Variants in COL12A1 observed in about 807,000 individuals in gnomAD.
The protein encoded by COL12A1 is collagen type XII alpha 1 chain, also known as collagen alpha-1(XII) chain.
In COL12A1, 114 loss-of-function variants were observed where a neutral mutation model predicts 349.7. The observed-to-expected ratio is 0.33, with a 90% CI of 0.28 to 0.38. The LOEUF (loss-of-function observed/expected upper bound fraction) is 0.38, where lower values mean the gene tolerates loss of function less well. Among genes scored for constraint, COL12A1 ranks in the 10% least tolerant of loss-of-function variants. The pLI is 1.00. For missense variants in COL12A1, 3,284 were observed against 3,756.9 expected (o/e 0.87, Z 3.29); for synonymous variants, 1,369 against 1,329.0 (o/e 1.03, Z -0.66).
chr6:75,085,545 T>G lies in COL12A1; in HGVS notation c.*1002A>C. 1 of 296,748 alleles carries G rather than the reference T, an allele frequency of 3.4e-6. No individual in the cohort carries two copies. The highest frequency in any genetic ancestry group is 6.9e-6 in the Non-Finnish European group (1 of 144,994). 18.4% of individuals were successfully genotyped at this position (296,748 alleles called of 1,614,324 possible). ...ATTTGGTGATAATCAAATAATGAAA[T>G]GGCACTTTCTTAAAAAAAAAAACCT... is the stretch of plus-strand genomic sequence containing the variant. On this transcript the variant is annotated 3_prime_UTR_variant, in exon 66 of 66. Coordinates refer to ENST00000322507, the MANE Select transcript of COL12A1 (RefSeq NM_004370.6).
intron 52 of COL12A1, among the ~76,000 whole-genome samples, chr6:75,106,886 C>CT (rs5877441): frequency 2.1e-5 from 1 of 47,438 alleles, no homozygotes. Context: ...TTTTTTTTTT[C>CT]TTTTTTCTTT....
At chr6:75,157,708 A>G (rs1232812941) in intron 14 of COL12A1, among the ~76,000 whole-genome samples, 1 of 152,184 alleles carries the variant, frequency 6.6e-6, no homozygotes, top group Non-Finnish European at 1.5e-5. Flanking sequence ...TGAATGAGAG[A>G]GTGCCACAGA....
In COL12A1 at chr6:75,202,769, C is replaced by A; in HGVS notation, c.24G>T (p.Ala8=). Residue 8 remains alanine, a synonymous_variant, in exon 2 of 66, where the codon GCG becomes GCT. Coordinates refer to ENST00000322507, the MANE Select transcript of COL12A1 (RefSeq NM_004370.6). Reference sequence around the variant, plus strand: ...GCAGGGCCGCGCCCAGGGCGGCAAGCGCTGGGGGAAGCCTACTCCGCATCC... The same window carrying A: ...GCAGGGCCGCGCCCAGGGCGGCAAGAGCTGGGGGAAGCCTACTCCGCATCC... MRSRLPP[A]LAALGAALLL... 1.3e-6 allele frequency: 2 copies of A among 1,551,860 alleles called. No homozygotes were observed. Among genetic ancestry groups the A allele is most frequent in the South Asian group, 2.4e-5 (2 of 84,066 alleles).
rs1332778 is a variant in COL12A1, at chr6:75,134,129, T to C, written c.5525-132A>G. ...CACAAACATTTGTTGAAGTAGTGAA[T>C]AAACGACACACACTGTGTCCGCGTC... On this transcript the variant is annotated intron_variant, in intron 32 of 65. Coordinates refer to ENST00000322507, the MANE Select transcript of COL12A1 (RefSeq NM_004370.6). The C allele has an allele frequency of 0.77, 756,927 of 983,110 alleles. 295,832 individuals carry two copies. Among genetic ancestry groups the C allele is most frequent in the Non-Finnish European group, 0.81 (541,823 of 669,398 alleles). The allele number at this position is 983,110 out of a possible 1,614,324, so 60.9% of individuals were successfully genotyped here.
chr6:75,154,356 T>C (rs572115986), intron 17 of COL12A1, 60 bp downstream of exon 17: 4 of 1,571,138 alleles, frequency 2.5e-6, no homozygotes, highest in African/African-American at 2.7e-5. Flanking sequence ...ACCCTAACAG[T>C]TCACATTTGA....
rs747394298 is a variant in COL12A1 at position 75,175,172 on chromosome 6, A to G, written c.2576T>C (p.Val859Ala). 2.5e-6 allele frequency: 4 copies of G among 1,614,032 alleles called. No homozygotes were observed. The South Asian group carries it at 4.4e-5, about 18-fold the overall frequency. Reference sequence around the variant, plus strand: ...ATTGGTTGTATCTCCCCTCACAGTGACCTCTTGAGTTTCACCCCCTGCCAC... The same window carrying G: ...ATTGGTTGTATCTCCCCTCACAGTGGCCTCTTGAGTTTCACCCCCTGCCAC... ...TPVAGGETQE[V>A]TVRGDTTNTV... Residue 859 changes from valine to alanine, a missense_variant, in exon 13 of 66, where the codon GTC (valine) becomes GCC (alanine). By Grantham distance (64) the Val-to-Ala change is moderately conservative. Transcript: ENST00000322507.
chr6:75,139,441 T>G (rs1252640571), intron 27 of COL12A1, among the ~76,000 whole-genome samples: 1 of 152,224 alleles, frequency 6.6e-6, no homozygotes, highest in Non-Finnish European at 1.5e-5. Flanking sequence ...GAAATAGTTA[T>G]TCATTTATTG....
chr6:75,103,689 G>C, intron 55 of COL12A1, 68 bp downstream of exon 55: 1 of 1,403,374 alleles, frequency 7.1e-7, no homozygotes, highest in Non-Finnish European at 1.0e-6. Flanking sequence ...TACCCCCTTT[G>C]TGAAAATTTG....
At chr6:75,189,436 T>G (rs1408864136) in intron 6 of COL12A1, 55 bp from the exon 7 acceptor site, 4 of 1,583,432 alleles carry the variant, frequency 2.5e-6, no homozygotes, top group Non-Finnish European at 3.4e-6. Context: ...TTTTCCAAAG[T>G]CAAAAACTAT....
chr6:75,131,797 C>T lies in COL12A1; in HGVS notation c.5937+143G>A, dbSNP rs180727953. 1.4e-5 allele frequency: 13 copies of T among 902,812 alleles called. No individual in the cohort carries two copies. In the African/African-American group the frequency reaches 2.2e-4, roughly 15 times the overall value. The allele number at this position is 902,812 out of a possible 1,614,324, so 55.9% of individuals were successfully genotyped here. Reference sequence around the variant, plus strand: ...TCTTACTAACCCTATAATTAATACACCTACCTCAAGTCATCAAAAACAATA... The same window carrying T: ...TCTTACTAACCCTATAATTAATACATCTACCTCAAGTCATCAAAAACAATA... On this transcript the variant is annotated intron_variant, in intron 35 of 65. Transcript: ENST00000322507.
intron 59 of COL12A1, among the ~76,000 whole-genome samples, chr6:75,096,445 A>G (rs76030379): frequency 6.6e-6 from 1 of 152,344 alleles, no homozygotes; most frequent in East Asian, 1.9e-4. Context: ...GCAAGTATAC[A>G]GATGCCAGTT....
At chr6:75,198,453 C>T (rs1770346425) in intron 2 of COL12A1, among the ~76,000 whole-genome samples, 2 of 150,724 alleles carry the variant, frequency 1.3e-5, no homozygotes, top group African/African-American at 2.4e-5. Flanking sequence ...ATATATTATA[C>T]ATATTACATA....
intron 43 of COL12A1, among the ~76,000 whole-genome samples, chr6:75,122,582 A>G (rs1432885284): frequency 6.6e-6 from 1 of 152,244 alleles, no homozygotes; most frequent in African/African-American, 2.4e-5. Context: ...TATCTAATTT[A>G]AAGGAATCCA....
chr6:75,201,994 G>A (rs1349401210), intron 2 of COL12A1, among the ~76,000 whole-genome samples: 1 of 152,188 alleles, frequency 6.6e-6, no homozygotes, highest in Non-Finnish European at 1.5e-5. Flanking sequence ...CAGCAACTCC[G>A]GCGCGCGCTT....
intron 14 of COL12A1, among the ~76,000 whole-genome samples, chr6:75,161,676 A>C (rs1404255395): frequency 6.6e-6 from 1 of 152,206 alleles, no homozygotes; most frequent in Non-Finnish European, 1.5e-5. Flanking sequence ...CAAGAGAAAG[A>C]AATAAAGGGC....
intron 60 of COL12A1, among the ~76,000 whole-genome samples, chr6:75,092,845 T>C (rs763698978): frequency 2.5e-4 from 38 of 152,334 alleles, no homozygotes; most frequent in Non-Finnish European, 1.9e-4. Context: ...GTCCATATGA[T>C]CATCTATGCC....
At chr6:75,145,786 C>A (rs867117239) in intron 24 of COL12A1, among the ~76,000 whole-genome samples, 1 of 151,996 alleles carries the variant, frequency 6.6e-6, no homozygotes, top group South Asian at 2.1e-4. Flanking sequence ...TACTTGCCAC[C>A]ACACCCGACT....
intron 2 of COL12A1, among the ~76,000 whole-genome samples, chr6:75,197,182 T>C (rs1770270458): frequency 6.6e-6 from 1 of 152,198 alleles, no homozygotes; most frequent in African/African-American, 2.4e-5. Flanking sequence ...AAATCAGTGC[T>C]GAAAAATGTA....
chr6:75,189,340 A>G lies in COL12A1; in HGVS notation c.700T>C (p.Ser234Pro). 3.7e-6 allele frequency: 6 copies of G among 1,612,988 alleles called. No homozygotes were observed. Among genetic ancestry groups the G allele is most frequent in the Non-Finnish European group, 4.2e-6 (5 of 1,179,422 alleles). Residue 234 changes from serine (S) to proline (P), a missense_variant, in exon 7 of 66, where the codon TCT becomes CCT. By Grantham distance (74) the Ser-to-Pro change is moderately conservative (BLOSUM62 -1). Around this residue, in one of 2 missense-constraint regions of COL12A1, gnomAD observed 2,601 missense variants for 2,824.8 expected, o/e 0.92. Coordinates refer to ENST00000322507, the MANE Select transcript of COL12A1 (RefSeq NM_004370.6). ...DYLVKNTFTE[S>P]AGARVGFPKV... The stretch of plus-strand genomic sequence containing the variant: ...GGAAAGCCAACTCTTGCCCCAGCAG[A>G]TTCCGTGAAAGTATTTTTAACTAAA...
Sources: allele counts gnomAD v4.1 joint callset (sites outside exome capture counted in the v4.1 genomes callset), GRCh38; gene constraint gnomAD v4.1.1; regional missense constraint gnomAD v4.1.1; transcripts MANE v1.5; gene names NCBI Gene and HGNC (gene_info 2026-07-23, HGNC 2026-07-21).